The following LRRN1 variants were observed in gnomAD, a reference collection of about 807,000 sequenced individuals.
LRRN1 encodes the protein leucine-rich repeat neuronal protein 1.
In LRRN1, 14 loss-of-function variants were observed where a neutral mutation model predicts 45.8. The observed-to-expected ratio is 0.31, with a 90% CI of 0.20 to 0.48. The LOEUF is 0.48. Ranked by LOEUF, LRRN1 falls within the 20% of genes least tolerant of loss-of-function variation. The pLI, the probability that LRRN1 is intolerant of heterozygous loss-of-function variation, is 0.99. For missense variants in LRRN1, 789 were observed against 874.2 expected (o/e 0.90, Z 1.23); for synonymous variants, 359 against 330.1 (o/e 1.09, Z -0.95).
chr3:3,801,509 C>T (rs1443433018), intron 1 of LRRN1, among the ~76,000 whole-genome samples: 1 of 152,130 alleles, frequency 6.6e-6, no homozygotes, highest in Admixed American at 6.5e-5. Context: ...GTTATTGGCT[C>T]CAGGGCCATA....
chr3:3,820,433 A>G (rs1202908806), intron 1 of LRRN1, among the ~76,000 whole-genome samples: 2 of 152,186 alleles, frequency 1.3e-5, no homozygotes, highest in Non-Finnish European at 2.9e-5. Context: ...GGCCTTTCAT[A>G]CAGGGCTGAA....
intron 1 of LRRN1, among the ~76,000 whole-genome samples, chr3:3,839,363 A>G (rs1336589497): frequency 6.6e-6 from 1 of 152,152 alleles, no homozygotes; most frequent in African/African-American, 2.4e-5. Flanking sequence ...GTCTGCCTTT[A>G]TGTCAGTACC....
intron 1 of LRRN1, among the ~76,000 whole-genome samples, chr3:3,826,303 G>A (rs1693213942): frequency 6.6e-6 from 1 of 152,194 alleles, no homozygotes; most frequent in Non-Finnish European, 1.5e-5. Context: ...CCAGAGGAAA[G>A]GGCTGATGAC....
At chr3:3,807,536 A>T (rs1294971686) in intron 1 of LRRN1, among the ~76,000 whole-genome samples, 1 of 152,232 alleles carries the variant, frequency 6.6e-6, no homozygotes, top group Non-Finnish European at 1.5e-5. Context: ...CTTGCACGTC[A>T]GAACGAGTTT....
At position 3,805,367 on chromosome 3, in the gene LRRN1, A is replaced by G. The variant is rs111318294; in HGVS notation, c.-279+5448A>G. On this transcript the variant is annotated intron_variant, in intron 1 of 1. Transcript: ENST00000319331. ...CCTGCATTGTTATTTCACAATAGTGATAAGTCTTAGTTTGCATCCATAATA... is the reference window on the plus strand; with the variant it reads ...CCTGCATTGTTATTTCACAATAGTGGTAAGTCTTAGTTTGCATCCATAATA... Among the ~76,000 whole-genome samples the G allele has an allele frequency of 5.2e-3, 785 of 152,352 alleles. 8 individuals carry two copies. The highest frequency in any genetic ancestry group is 0.018 in the African/African-American group (748 of 41,578).
In LRRN1 at chr3:3,834,534, A is replaced by ATATATATATATATATATAT. The variant is rs1553563084; in HGVS notation, c.-278-9829_-278-9811dup. Reference sequence around the variant, plus strand: ...TAGAGGGACAGAACAGGATATATATATATATATATATATATATATGATATA... The same window carrying ATATATATATATATATATAT: ...TAGAGGGACAGAACAGGATATATATATATATATATATATATATATTATATATATATATATATATGATATA... On this transcript the variant is annotated intron_variant, in intron 1 of 1. Coordinates refer to ENST00000319331, the MANE Select transcript of LRRN1 (RefSeq NM_020873.7). Among the ~76,000 whole-genome samples the ATATATATATATATATATAT allele has an allele frequency of 1.9e-4, 20 of 105,750 alleles. 3 individuals are homozygous for ATATATATATATATATATAT. The South Asian group carries it at 4.9e-3, about 26-fold the overall frequency. The allele number at this position is 105,750 out of a possible 152,430, so 69.4% of individuals were successfully genotyped here. A position where few individuals can be genotyped will look rare whatever the true frequency, so the allele number is the denominator to read the frequency against.
At chr3:3,841,729 T>C (rs1575301867) in intron 1 of LRRN1, among the ~76,000 whole-genome samples, 1 of 152,058 alleles carries the variant, frequency 6.6e-6, no homozygotes, top group Non-Finnish European at 1.5e-5. Context: ...ATGTTGGTCA[T>C]GTTGGTCTCG....
At chr3:3,826,221 AGAAAG>A (rs781193145) in intron 1 of LRRN1, among the ~76,000 whole-genome samples, 4 of 152,328 alleles carry the variant, frequency 2.6e-5, no homozygotes. Flanking sequence ...AAAGAAGGGA[AGAAAG>A]GAAGAGAAAG....
intron 1 of LRRN1, among the ~76,000 whole-genome samples, chr3:3,826,084 A>G (rs1693208732): frequency 6.6e-6 from 1 of 152,144 alleles, no homozygotes; most frequent in East Asian, 1.9e-4. Flanking sequence ...CTACATGACT[A>G]CTGCTTCTTA....
chr3:3,806,431 C>A (rs761066882), intron 1 of LRRN1, among the ~76,000 whole-genome samples: 1 of 152,162 alleles, frequency 6.6e-6, no homozygotes, highest in Non-Finnish European at 1.5e-5. Flanking sequence ...CAGCAGGAGA[C>A]GATTTTCCAT....
At chr3:3,800,062 G>C (rs1367157171) in intron 1 of LRRN1, 143 bp downstream of exon 1, 1 of 151,894 alleles carries the variant, frequency 6.6e-6, no homozygotes, top group Admixed American at 6.6e-5. Context: ...ACGAGGGGGC[G>C]CGGCTCACGG....
At chr3:3,806,205 C>T (rs1330740478) in intron 1 of LRRN1, among the ~76,000 whole-genome samples, 1 of 152,182 alleles carries the variant, frequency 6.6e-6, no homozygotes, top group Admixed American at 6.5e-5. Flanking sequence ...TGTCAGTAGT[C>T]GCAAGGATCC....
At chr3:3,800,139 CA>C (rs5846290) in intron 1 of LRRN1, among the ~76,000 whole-genome samples, 76,796 of 103,844 alleles carry the variant, frequency 0.74, 26,341 homozygotes, top group East Asian at 0.86. Flanking sequence ...TCCCCCTTGC[CA>C]AAAAAAAAAA....
Position 3,849,632 on chromosome 3 carries a change from C to A in LRRN1, c.*2840C>A, listed in dbSNP as rs922794866. ...TGCCTTCAGGGTATATAGTGTATCTCTAACCTGATTTTTCAAGGTTATTTT... is the reference window on the plus strand; with the variant it reads ...TGCCTTCAGGGTATATAGTGTATCTATAACCTGATTTTTCAAGGTTATTTT... On this transcript the variant is annotated 3_prime_UTR_variant, in exon 2 of 2. Coordinates refer to ENST00000319331, the MANE Select transcript of LRRN1 (RefSeq NM_020873.7). Among the ~76,000 whole-genome samples the A allele has an allele frequency of 1.3e-5, 2 of 152,114 alleles. No homozygotes were observed. Among genetic ancestry groups the A allele is most frequent in the African/African-American group, 4.8e-5 (2 of 41,420 alleles).
Position 3,848,468 on chromosome 3 carries a change from G to C in LRRN1, c.*1676G>C, listed in dbSNP as rs371012131. Reference sequence around the variant, plus strand: ...ACAGCATTCCATCAGACAGGTGCCAGACAAGCAAAAGCAAGGAAGTTGGCA... The same window carrying C: ...ACAGCATTCCATCAGACAGGTGCCACACAAGCAAAAGCAAGGAAGTTGGCA... On this transcript the variant is annotated 3_prime_UTR_variant, in exon 2 of 2. Coordinates refer to ENST00000319331, the MANE Select transcript of LRRN1 (RefSeq NM_020873.7). 2.8e-4 allele frequency among the ~76,000 whole-genome samples: 42 copies of C among 152,330 alleles called. No individual in the cohort carries two copies. In the South Asian group the frequency reaches 8.5e-3, roughly 31 times the overall value.
At chr3:3,832,393 T>A (rs918042662) in intron 1 of LRRN1, among the ~76,000 whole-genome samples, 1 of 152,162 alleles carries the variant, frequency 6.6e-6, no homozygotes, top group Non-Finnish European at 1.5e-5. Context: ...ATTGGGGAAA[T>A]GACCACAGCA....
chr3:3,829,021 C>A (rs776443737), intron 1 of LRRN1, among the ~76,000 whole-genome samples: 5 of 149,412 alleles, frequency 3.3e-5, no homozygotes, highest in Non-Finnish European at 7.4e-5. Flanking sequence ...GTGGAGTGAC[C>A]CAAACCTTCA....
At chr3:3,829,612 A>C (rs376746001) in intron 1 of LRRN1, among the ~76,000 whole-genome samples, 4 of 152,356 alleles carry the variant, frequency 2.6e-5, no homozygotes. Context: ...TCAAAAGGCC[A>C]TTCCACTGTT....
rs547249999 is a variant in LRRN1 at position 3,836,659 on chromosome 3, A to G, written c.-278-7705A>G. On this transcript the variant is annotated intron_variant, in intron 1 of 1. Transcript: ENST00000319331. Reference sequence around the variant, plus strand: ...TACCCTTCCCTCCTATGCAGCTCAAATGGAAGGAAACTGATTAACACATAG... The same window carrying G: ...TACCCTTCCCTCCTATGCAGCTCAAGTGGAAGGAAACTGATTAACACATAG... Among the ~76,000 whole-genome samples the G allele has an allele frequency of 2.6e-5, 4 of 152,270 alleles. No homozygotes were observed. The South Asian group carries it at 8.3e-4, about 32-fold the overall frequency.
Sources: allele counts gnomAD v4.1 joint callset (sites outside exome capture counted in the v4.1 genomes callset), GRCh38; gene constraint gnomAD v4.1.1; transcripts MANE v1.5; gene names NCBI Gene and HGNC (gene_info 2026-07-23, HGNC 2026-07-21).